The following MAMDC2 variants were observed in gnomAD, a reference collection of about 807,000 sequenced individuals.
MAMDC2 encodes the protein MAM domain containing 2, also known as MAM domain-containing protein 2.
A neutral mutation model predicts 89.8 loss-of-function variants in MAMDC2; 57 were observed. The observed-to-expected ratio is 0.63, with a 90% CI of 0.51 to 0.79. MAMDC2 has a LOEUF of 0.79. Among genes scored for constraint, MAMDC2 ranks in the 30% least tolerant of loss-of-function variants. The pLI is 0.00. For synonymous variants in MAMDC2, 313 were observed against 293.4 expected (o/e 1.07, Z -0.68); for missense variants, 800 against 820.6 (o/e 0.97, Z 0.31).
rs558523122 is a variant in MAMDC2, at chr9:70,174,392, G to A, written c.1651+3761G>A. Among the ~76,000 whole-genome samples, 6 of 152,298 alleles carry A rather than the reference G, an allele frequency of 3.9e-5. No individual in the cohort carries two copies. The East Asian group carries it at 1.2e-3, about 29-fold the overall frequency. On this transcript the variant is annotated intron_variant, in intron 11 of 13. Coordinates refer to ENST00000377182, the MANE Select transcript of MAMDC2 (RefSeq NM_153267.5). The stretch of plus-strand genomic sequence containing the variant: ...GATAATTGCTACAGAAATAAAAATG[G>A]AGCAGGTGAGGGAGTTAGGGAATCG...
At chr9:70,169,494 T>C (rs1279469079) in intron 10 of MAMDC2, 1 of 152,236 alleles carries the variant, frequency 6.6e-6, no homozygotes, top group African/African-American at 2.4e-5. Context: ...AAAGACAATT[T>C]GTTCTTAGTC....
At chr9:70,191,351 TTATC>T (rs1227020418) in intron 11 of MAMDC2, among the ~76,000 whole-genome samples, 2 of 151,534 alleles carry the variant, frequency 1.3e-5, no homozygotes, top group African/African-American at 2.4e-5. Context: ...TGTAACTGTT[TTATC>T]TATTTTTTTA....
chr9:70,111,981 G>A (rs1021073425), intron 4 of MAMDC2, among the ~76,000 whole-genome samples: 1 of 152,162 alleles, frequency 6.6e-6, no homozygotes, highest in African/African-American at 2.4e-5. Context: ...GCCAACTCAT[G>A]GCGACCTGGC....
At chr9:70,173,104 CTT>C (rs2032400409) in intron 11 of MAMDC2, among the ~76,000 whole-genome samples, 1 of 152,084 alleles carries the variant, frequency 6.6e-6, no homozygotes, top group African/African-American at 2.4e-5. Flanking sequence ...CTTTCTACCT[CTT>C]TGAGCTGGTT....
At chr9:70,067,361 G>T (rs1454944760) in intron 2 of MAMDC2, among the ~76,000 whole-genome samples, 1 of 152,016 alleles carries the variant, frequency 6.6e-6, no homozygotes, top group African/African-American at 2.4e-5. Flanking sequence ...TCCCATGGAG[G>T]GACACTCCCT....
At chr9:70,122,673 G>A (rs1050456715) in intron 5 of MAMDC2, among the ~76,000 whole-genome samples, 18 of 152,128 alleles carry the variant, frequency 1.2e-4, no homozygotes, top group Non-Finnish European at 1.5e-5. Context: ...AAAATTGGAA[G>A]GGTAAAATGA....
chr9:70,143,423 G>A, intron 8 of MAMDC2, 131 bp from the exon 9 acceptor site: 1 of 1,004,988 alleles, frequency 1.0e-6, no homozygotes, highest in Non-Finnish European at 1.4e-6. Flanking sequence ...ACAGACATTA[G>A]AAAATGCTTT....
chr9:70,208,847 C>T (rs373023318), intron 11 of MAMDC2, among the ~76,000 whole-genome samples: 2 of 152,242 alleles, frequency 1.3e-5, no homozygotes, highest in Admixed American at 1.3e-4. Flanking sequence ...TGAAGGGCTG[C>T]TGAATTTTGT....
intron 2 of MAMDC2, chr9:70,086,111 A>G (rs751695117): frequency 6.6e-6 from 1 of 152,202 alleles, no homozygotes; most frequent in South Asian, 2.1e-4. Context: ...GTGGACAACA[A>G]TTCTGGCAAT....
intron 5 of MAMDC2, among the ~76,000 whole-genome samples, chr9:70,119,802 G>A (rs1305640122): frequency 6.6e-6 from 1 of 152,184 alleles, no homozygotes; most frequent in African/African-American, 2.4e-5. Flanking sequence ...GGGAGGCAAT[G>A]GGCAGGGTGG....
chr9:70,150,070 G>A (rs1401307473), intron 9 of MAMDC2, among the ~76,000 whole-genome samples: 1 of 152,172 alleles, frequency 6.6e-6, no homozygotes, highest in Non-Finnish European at 1.5e-5. Flanking sequence ...CAGAAAGCTG[G>A]AGTCAGATCA....
At chr9:70,127,599 G>A (rs2030612610) in intron 6 of MAMDC2, among the ~76,000 whole-genome samples, 1 of 151,588 alleles carries the variant, frequency 6.6e-6, no homozygotes, top group Admixed American at 6.6e-5. Context: ...AGAGAACAGG[G>A]TTAGGTCTTA....
At chr9:70,204,798 G>C (rs1024811064) in intron 11 of MAMDC2, among the ~76,000 whole-genome samples, 1 of 152,158 alleles carries the variant, frequency 6.6e-6, no homozygotes. Context: ...AGCAATATTC[G>C]GGTGGGAGTG....
intron 2 of MAMDC2, among the ~76,000 whole-genome samples, chr9:70,084,900 G>C (rs1470020665): frequency 6.6e-6 from 1 of 151,886 alleles, no homozygotes; most frequent in Non-Finnish European, 1.5e-5. Flanking sequence ...TCAAACCCAG[G>C]GATTTTTTAA....
intron 11 of MAMDC2, among the ~76,000 whole-genome samples, chr9:70,186,049 A>G (rs1267406578): frequency 1.8e-4 from 27 of 151,460 alleles, no homozygotes; most frequent in Admixed American, 1.8e-3. Context: ...TATTGTTTAT[A>G]TTCCTTTACA....
At chr9:70,194,046 T>C (rs2182731) in intron 11 of MAMDC2, 18,176 of 152,050 alleles carry the variant, frequency 0.12, 1,335 homozygotes, top group South Asian at 0.24. Flanking sequence ...AATCAATACA[T>C]CATCATATGT....
intron 2 of MAMDC2, 138 bp downstream of exon 2, chr9:70,044,835 G>T: frequency 1.3e-6 from 1 of 745,852 alleles, no homozygotes; most frequent in South Asian, 1.7e-5. Flanking sequence ...CCTCCTTCAA[G>T]CCCTCAGCTG....
At chr9:70,128,323 A>C (rs2030652130) in intron 6 of MAMDC2, among the ~76,000 whole-genome samples, 1 of 152,156 alleles carries the variant, frequency 6.6e-6, no homozygotes, top group South Asian at 2.1e-4. Flanking sequence ...TAGTGCCTTG[A>C]GAGCTAAATG....
chr9:70,090,033 A>G (rs185739380), intron 2 of MAMDC2, among the ~76,000 whole-genome samples: 308 of 152,294 alleles, frequency 2.0e-3, no homozygotes, highest in African/African-American at 7.1e-3. Context: ...TGGATGACAG[A>G]TATCCAGTTA....
Sources: allele counts gnomAD v4.1 joint callset (sites outside exome capture counted in the v4.1 genomes callset), GRCh38; gene constraint gnomAD v4.1.1; transcripts MANE v1.5; gene names NCBI Gene and HGNC (gene_info 2026-07-23, HGNC 2026-07-21).